MED13L: variants seen among roughly 807,000 people sequenced by gnomAD.
MED13L encodes the protein mediator complex subunit 13L.
A neutral mutation model predicts 220.9 loss-of-function variants in MED13L; 7 were observed. That is an observed-to-expected ratio of 0.03 (90% CI 0.02 to 0.06). MED13L has a LOEUF of 0.06. Among genes scored for constraint, MED13L ranks in the 10% least tolerant of loss-of-function variants. The pLI, the probability that MED13L is intolerant of heterozygous loss-of-function variation, is 1.00. For missense variants in MED13L, 1,965 were observed against 2,760.5 expected (o/e 0.71, Z 6.46); for synonymous variants, 1,011 against 1,015.2 (o/e 1.00, Z 0.08).
chr12:115,978,458 C>T (rs1198429398), intron 23 of MED13L, among the ~76,000 whole-genome samples: 1 of 151,598 alleles, frequency 6.6e-6, no homozygotes, highest in Non-Finnish European at 1.5e-5. Context: ...TCCCAAGTAG[C>T]TGGGATTATA....
rs57356278 is a variant in MED13L at position 116,230,636 on chromosome 12, T to C, written c.310+6832A>G. On this transcript the variant is annotated intron_variant, in intron 2 of 30. Transcript: ENST00000281928. ...AATTTAATACCACTAAAAAAAAAGA[T>C]AGAAAAACAGAGTGAAAATGAGTCA... 1,528 of 245,934 alleles carry C rather than the reference T, an allele frequency of 6.2e-3. 23 individuals carry two copies. The highest frequency in any genetic ancestry group is 0.034 in the African/African-American group (1,456 of 43,086). The allele number at this position is 245,934 out of a possible 1,614,324, so 15.2% of individuals were successfully genotyped here.
chr12:116,199,930 G>A (rs995724506), intron 2 of MED13L, among the ~76,000 whole-genome samples: 3 of 151,960 alleles, frequency 2.0e-5, no homozygotes, highest in African/African-American at 7.2e-5. Flanking sequence ...CATTTTGGAC[G>A]TCATACTGTT....
intron 17 of MED13L, among the ~76,000 whole-genome samples, chr12:115,990,571 G>C (rs538789522): frequency 3.5e-4 from 54 of 152,158 alleles, no homozygotes; most frequent in Non-Finnish European, 3.7e-4. Context: ...ATGTGATTTT[G>C]TTATAAGTGA....
At chr12:116,197,553 G>C (rs1471370608) in intron 2 of MED13L, among the ~76,000 whole-genome samples, 1 of 152,002 alleles carries the variant, frequency 6.6e-6, no homozygotes, top group Non-Finnish European at 1.5e-5. Flanking sequence ...GATCACCTGA[G>C]GTCAGGAGTT....
chr12:115,959,422 A>G lies in MED13L; in HGVS notation c.*1844T>C, dbSNP rs1462318980. 6.6e-6 allele frequency: 1 copy of G among 152,508 alleles called. No individual in the cohort carries two copies. Among genetic ancestry groups the G allele is most frequent in the Non-Finnish European group, 1.5e-5 (1 of 68,004 alleles). The allele number at this position is 152,508 out of a possible 1,614,324, so 9.4% of individuals were successfully genotyped here. ...ATTCAAAGTTCTGATGAATTCCGGG[A>G]AAAAAGCAACCCCAAAGTGGTAAAA... On this transcript the variant is annotated 3_prime_UTR_variant, in exon 31 of 31. Coordinates refer to ENST00000281928, the MANE Select transcript of MED13L (RefSeq NM_015335.5).
intron 4 of MED13L, among the ~76,000 whole-genome samples, chr12:116,048,183 C>T (rs777040625): frequency 8.6e-5 from 13 of 151,992 alleles, no homozygotes; most frequent in Admixed American, 3.3e-4. Flanking sequence ...TAAATAAATC[C>T]GTGCCTATCA....
chr12:116,168,404 T>C (rs1879443173), intron 2 of MED13L, among the ~76,000 whole-genome samples: 1 of 149,656 alleles, frequency 6.7e-6, no homozygotes, highest in East Asian at 2.0e-4. Context: ...CACTAGATAA[T>C]AGAGAGAGGT....
intron 2 of MED13L, among the ~76,000 whole-genome samples, chr12:116,210,551 C>CTATATATAAATATATATATATATA (rs1882627150): frequency 8.8e-6 from 1 of 113,666 alleles, no homozygotes; most frequent in African/African-American, 3.5e-5. Flanking sequence ...AGAACGTAAC[C>CTATATATAAATATATATATATATA]TATATATATA....
At chr12:116,215,969 C>A (rs1882969577) in intron 2 of MED13L, among the ~76,000 whole-genome samples, 1 of 152,184 alleles carries the variant, frequency 6.6e-6, no homozygotes, top group Admixed American at 6.5e-5. Flanking sequence ...AATGTATTAA[C>A]CCAGTATTCA....
At chr12:116,017,247 A>G (rs1879781901) in intron 7 of MED13L, among the ~76,000 whole-genome samples, 2 of 152,198 alleles carry the variant, frequency 1.3e-5, no homozygotes, top group African/African-American at 4.8e-5. Context: ...CCCCATCAAA[A>G]AAAACCTCTT....
intron 2 of MED13L, chr12:116,232,256 A>T: frequency 4.3e-5 from 12 of 281,600 alleles, no homozygotes; most frequent in South Asian, 1.4e-4. Context: ...AATTCAGAAG[A>T]CTTCTGATAC....
chr12:115,981,611 G>A (rs1286581566), intron 22 of MED13L, among the ~76,000 whole-genome samples: 1 of 152,112 alleles, frequency 6.6e-6, no homozygotes, highest in Non-Finnish European at 1.5e-5. Context: ...CAGCATCTAA[G>A]AATCCATGTT....
chr12:115,974,664 C>T (rs1018682473), intron 25 of MED13L, among the ~76,000 whole-genome samples: 13 of 152,194 alleles, frequency 8.5e-5, no homozygotes, highest in African/African-American at 3.1e-4. Flanking sequence ...GAACATCAGA[C>T]AGTGGCAATG....
At chr12:116,112,003 AT>A (rs1160961042) in intron 2 of MED13L, among the ~76,000 whole-genome samples, 4 of 152,160 alleles carry the variant, frequency 2.6e-5, no homozygotes, top group African/African-American at 9.7e-5. Context: ...AAAGGACATG[AT>A]TTTAGAGACT....
chr12:116,025,946 C>G (rs1054371101), intron 4 of MED13L, among the ~76,000 whole-genome samples: 26 of 151,952 alleles, frequency 1.7e-4, no homozygotes, highest in South Asian at 4.2e-4. Flanking sequence ...ATACAGGTAT[C>G]CAAGCATCAC....
At chr12:116,042,766 A>T (rs1053436238) in intron 4 of MED13L, among the ~76,000 whole-genome samples, 1 of 151,426 alleles carries the variant, frequency 6.6e-6, no homozygotes. Flanking sequence ...CTGATAGCGT[A>T]AAAAAAAACC....
intron 17 of MED13L, among the ~76,000 whole-genome samples, chr12:115,988,148 C>T (rs530927154): frequency 4.6e-5 from 7 of 152,282 alleles, no homozygotes; most frequent in African/African-American, 1.7e-4. Flanking sequence ...AGGGAAGGGG[C>T]ATGGAAAGAA....
At chr12:116,124,123 C>CGAGAGAGAGAGAGAAAGACGAGA (rs1875341752) in intron 2 of MED13L, among the ~76,000 whole-genome samples, 1 of 133,516 alleles carries the variant, frequency 7.5e-6, no homozygotes, top group Non-Finnish European at 1.7e-5. Flanking sequence ...GAGAGAAAGA[C>CGAGAGAGAGAGAGAAAGACGAGA]GAGAGAGAGA....
intron 12 of MED13L, 149 bp from the exon 13 acceptor site, chr12:116,006,142 T>C (rs528887553): frequency 6.7e-6 from 9 of 1,345,120 alleles, no homozygotes; most frequent in African/African-American, 2.9e-5. Context: ...TTTCCAAATA[T>C]GTTTATCAGT....
Sources: allele counts gnomAD v4.1 joint callset (sites outside exome capture counted in the v4.1 genomes callset), GRCh38; gene constraint gnomAD v4.1.1; transcripts MANE v1.5; gene names NCBI Gene and HGNC (gene_info 2026-07-23, HGNC 2026-07-21).